The following GREM2 variants were observed in gnomAD, a reference collection of about 807,000 sequenced individuals.
GREM2 encodes gremlin-2.
In GREM2, 11 loss-of-function variants were observed where a neutral mutation model predicts 14.2. That is an observed-to-expected ratio of 0.78 (90% CI 0.49 to 1.28). The LOEUF (loss-of-function observed/expected upper bound fraction) is 1.28. Ranked by LOEUF, GREM2 falls within the 50% of genes most tolerant of loss-of-function variation. The probability of loss-of-function intolerance (pLI) is 0.00; values close to 1 mark genes in which losing one functional copy is unlikely to be tolerated. For missense variants in GREM2, 210 were observed against 218.5 expected (o/e 0.96, Z 0.24); for synonymous variants, 98 against 97.6 (o/e 1.00, Z -0.02).
At chr1:240,551,762 T>C (rs1478901018) in intron 1 of GREM2, among the ~76,000 whole-genome samples, 1 of 152,218 alleles carries the variant, frequency 6.6e-6, no homozygotes, top group African/African-American at 2.4e-5. Context: ...TTCTTTCTTT[T>C]TGCCTTCTTA....
At chr1:240,546,849 G>A (rs187370729) in intron 1 of GREM2, among the ~76,000 whole-genome samples, 2 of 151,238 alleles carry the variant, frequency 1.3e-5, no homozygotes, top group Admixed American at 6.6e-5. Context: ...GAGGTAACTC[G>A]TTCTTCAAGG....
chr1:240,566,689 A>C (rs2103358445), intron 1 of GREM2, among the ~76,000 whole-genome samples: 1 of 152,326 alleles, frequency 6.6e-6, no homozygotes, highest in South Asian at 2.1e-4. Flanking sequence ...TTGAAAGATC[A>C]AAATATTTTC....
In GREM2 at chr1:240,565,649, G is replaced by C. The variant is rs1026687060; in HGVS notation, c.-2+46235C>G. On this transcript the variant is annotated intron_variant, in intron 1 of 1. Coordinates refer to ENST00000318160, the MANE Select transcript of GREM2 (RefSeq NM_022469.4). ...ACTGCCTGAGCTCAGGACGAGATCA[G>C]CCTGGGTAACATGATGAAACCCCAT... Among the ~76,000 whole-genome samples the C allele has an allele frequency of 5.3e-5, 8 of 152,072 alleles. No homozygotes were observed. In the East Asian group the frequency reaches 1.6e-3, roughly 29 times the overall value.
intron 1 of GREM2, among the ~76,000 whole-genome samples, chr1:240,610,161 A>G (rs761199541): frequency 2.0e-5 from 3 of 152,200 alleles, no homozygotes; most frequent in Non-Finnish European, 2.9e-5. Flanking sequence ...TATTGCAGCT[A>G]TTTTATTTAT....
chr1:240,608,465 T>C (rs1680074031), intron 1 of GREM2, among the ~76,000 whole-genome samples: 1 of 152,156 alleles, frequency 6.6e-6, no homozygotes, highest in South Asian at 2.1e-4. Context: ...CGTGTTATAA[T>C]TGCATAAAAG....
intron 1 of GREM2, among the ~76,000 whole-genome samples, chr1:240,551,637 C>CTT (rs74486901): frequency 2.2e-4 from 32 of 146,918 alleles, no homozygotes; most frequent in South Asian, 4.3e-4. Flanking sequence ...GTCTAGTTTA[C>CTT]TTTTTTTTTT....
intron 1 of GREM2, among the ~76,000 whole-genome samples, chr1:240,555,176 A>T (rs2103342934): frequency 6.6e-6 from 1 of 152,060 alleles, no homozygotes; most frequent in East Asian, 1.9e-4. Flanking sequence ...GAAAGAAAGA[A>T]AAAAGAATTG....
chr1:240,545,998 T>C lies in GREM2; in HGVS notation c.-1-52522A>G, dbSNP rs1344588130. Among the ~76,000 whole-genome samples, 5 of 152,322 alleles carry C rather than the reference T, an allele frequency of 3.3e-5. No homozygotes were observed. The East Asian group carries it at 9.7e-4, about 29-fold the overall frequency. ...ATGGATTAATTAACAACGGTTAATT[T>C]TCTTGCCAATTTCTCCACAGACTCT... On this transcript the variant is annotated intron_variant, in intron 1 of 1. Transcript: ENST00000318160.
chr1:240,508,251 T>C (rs759876903), intron 1 of GREM2, among the ~76,000 whole-genome samples: 1 of 152,230 alleles, frequency 6.6e-6, no homozygotes, highest in African/African-American at 2.4e-5. Flanking sequence ...ATTTATTGAA[T>C]GAAAGAACAC....
intron 1 of GREM2, among the ~76,000 whole-genome samples, chr1:240,515,842 T>G (rs1232151710): frequency 6.6e-6 from 1 of 152,174 alleles, no homozygotes; most frequent in Non-Finnish European, 1.5e-5. Context: ...CCTGGAAGTA[T>G]TTCAAACCAA....
At chr1:240,555,202 A>G (rs1025946901) in intron 1 of GREM2, among the ~76,000 whole-genome samples, 4 of 152,122 alleles carry the variant, frequency 2.6e-5, no homozygotes, top group African/African-American at 9.7e-5. Context: ...ATATTCTGGG[A>G]GGCCTTATTT....
At chr1:240,521,437 GA>G (rs1419098043) in intron 1 of GREM2, among the ~76,000 whole-genome samples, 6 of 116,920 alleles carry the variant, frequency 5.1e-5, no homozygotes, top group African/African-American at 2.8e-4. Context: ...CGGGCATGGT[GA>G]GGGGCGACTG....
At chr1:240,507,587 C>T (rs11800889) in intron 1 of GREM2, among the ~76,000 whole-genome samples, 4,469 of 152,128 alleles carry the variant, frequency 0.029, 214 homozygotes, top group African/African-American at 0.1. Flanking sequence ...CCCACCTTGG[C>T]CTCCCAAAAT....
intron 1 of GREM2, among the ~76,000 whole-genome samples, chr1:240,538,386 C>A (rs1024979444): frequency 2.6e-5 from 4 of 152,106 alleles, no homozygotes; most frequent in African/African-American, 9.7e-5. Flanking sequence ...CACCTGCCTG[C>A]ATTTGTATTA....
rs549223308 is a variant in GREM2 at position 240,514,484 on chromosome 1, A to G, written c.-1-21008T>C. The stretch of plus-strand genomic sequence containing the variant: ...TGAAAGGTGAGAGTGAAATGTACAC[A>G]CTGGAGTAAGAACAATGCTTAAAGT... On this transcript the variant is annotated intron_variant, in intron 1 of 1. Transcript: ENST00000318160. Among the ~76,000 whole-genome samples the G allele has an allele frequency of 8.0e-3, 1,152 of 143,642 alleles. 14 individuals carry two copies. The highest frequency in any genetic ancestry group is 0.03 in the African/African-American group (1,089 of 36,452). 94.2% of individuals were successfully genotyped at this position (143,642 alleles called of 152,430 possible). A position where few individuals can be genotyped will look rare whatever the true frequency, so the allele number is the denominator to read the frequency against.
intron 1 of GREM2, among the ~76,000 whole-genome samples, chr1:240,515,919 G>A (rs1250003150): frequency 3.9e-5 from 6 of 152,106 alleles, no homozygotes; most frequent in Non-Finnish European, 7.4e-5. Flanking sequence ...CAGAGTTAAT[G>A]CTAAATTACT....
chr1:240,510,084 G>T (rs940708095), intron 1 of GREM2, among the ~76,000 whole-genome samples: 4 of 152,126 alleles, frequency 2.6e-5, no homozygotes, highest in African/African-American at 9.6e-5. Flanking sequence ...AAAAGCAAAT[G>T]GTAGGCCGGG....
At chr1:240,544,219 C>G (rs1174089318) in intron 1 of GREM2, among the ~76,000 whole-genome samples, 1 of 151,004 alleles carries the variant, frequency 6.6e-6, no homozygotes, top group Non-Finnish European at 1.5e-5. Context: ...GCAATCTCGG[C>G]TCACTGTAAG....
intron 1 of GREM2, among the ~76,000 whole-genome samples, chr1:240,604,380 G>A (rs1679988145): frequency 6.6e-6 from 1 of 151,186 alleles, no homozygotes; most frequent in Non-Finnish European, 1.5e-5. Flanking sequence ...TGTTTATAAG[G>A]GACTAAATAA....
Sources: gnomAD v4.1 joint callset for allele counts (sites outside exome capture counted in the v4.1 genomes callset) on GRCh38, gnomAD v4.1.1 for gene constraint, MANE v1.5 for transcripts, NCBI Gene and HGNC (gene_info 2026-07-23, HGNC 2026-07-21) for gene names.